The following ROBO2 variants were observed in gnomAD, a reference collection of about 807,000 sequenced individuals.
ROBO2 encodes the protein roundabout guidance receptor 2, also known as roundabout homolog 2.
ROBO2 carries 53 observed loss-of-function variants against 160.8 expected under a neutral mutation model. The observed-to-expected ratio is 0.33, with a 90% CI of 0.26 to 0.41. ROBO2 has a LOEUF of 0.41. ROBO2 is among the 10% of genes least tolerant of loss of function. The probability of loss-of-function intolerance (pLI) is 1.00; values close to 1 mark genes in which losing one functional copy is unlikely to be tolerated. For missense variants in ROBO2, 1,577 were observed against 1,722.4 expected, an observed-to-expected ratio of 0.92 and a Z score of 1.49; for synonymous variants, 664 against 611.7, an observed-to-expected ratio of 1.09 and a Z score of -1.26.
chr3:75,986,656 C>T (rs1291176590), intron 2 of ROBO2, among the ~76,000 whole-genome samples: 7 of 151,498 alleles, frequency 4.6e-5, no homozygotes, highest in Admixed American at 3.3e-4. Flanking sequence ...ATTATTTCTT[C>T]TCAGAGTTTT....
At chr3:77,268,671 C>T (rs1580514533) in intron 2 of ROBO2, among the ~76,000 whole-genome samples, 1 of 152,190 alleles carries the variant, frequency 6.6e-6, no homozygotes, top group Non-Finnish European at 1.5e-5. Flanking sequence ...ATTCCCATCA[C>T]TTGGATAAGG....
At chr3:77,247,496 A>T (rs1461109275) in intron 2 of ROBO2, among the ~76,000 whole-genome samples, 3 of 152,222 alleles carry the variant, frequency 2.0e-5, no homozygotes, top group Non-Finnish European at 4.4e-5. Context: ...GCTGAGAGTG[A>T]TTCCATATTC....
At chr3:77,542,204 C>A (rs2092494499) in intron 6 of ROBO2, among the ~76,000 whole-genome samples, 1 of 152,122 alleles carries the variant, frequency 6.6e-6, no homozygotes, top group Non-Finnish European at 1.5e-5. Context: ...CAGCTGATAT[C>A]CCTTCACAGA....
At chr3:76,431,025 C>T (rs1194951387) in intron 2 of ROBO2, among the ~76,000 whole-genome samples, 6 of 151,906 alleles carry the variant, frequency 3.9e-5, no homozygotes, top group Middle Eastern at 3.2e-3. Flanking sequence ...GTCAACAGTA[C>T]AACTATGTTA....
chr3:77,267,327 T>C (rs140322916), intron 2 of ROBO2, among the ~76,000 whole-genome samples: 183 of 152,244 alleles, frequency 1.2e-3, no homozygotes, highest in Non-Finnish European at 2.2e-3. Flanking sequence ...AGTACAATAG[T>C]CCAGAAAGTT....
exon 7 of ROBO2, chr3:77,546,407 G>C: frequency 6.2e-7 from 1 of 1,613,354 alleles, no homozygotes. Flanking sequence ...ACATTTCCCT[G>C]TGAAACTAAA....
At chr3:77,426,587 C>G (rs565202319) in intron 2 of ROBO2, among the ~76,000 whole-genome samples, 1 of 147,392 alleles carries the variant, frequency 6.8e-6, no homozygotes, top group Non-Finnish European at 1.5e-5. Context: ...AATACCTACA[C>G]ACACATACAT....
rs1560065744 is a variant in ROBO2, at chr3:77,126,714, T to TATATA, written c.388+28374_388+28375insATATA. Among the ~76,000 whole-genome samples the TATATA allele has an allele frequency of 5.6e-3, 766 of 137,680 alleles. 9 individuals carry two copies. The highest frequency in any genetic ancestry group is 0.025 in the African/African-American group (718 of 29,264). 90.3% of individuals were successfully genotyped at this position (137,680 alleles called of 152,430 possible). On this transcript the variant is annotated intron_variant, in intron 2 of 25. Coordinates refer to ENST00000461745, the Ensembl canonical transcript of ROBO2. ...TATGGGTGGATATATATATATATAT[T>TATATA]TTTTTTCCTTTGAAAGATGGTGAAG...
At chr3:75,938,820 A>G (rs930080578) in intron 2 of ROBO2, among the ~76,000 whole-genome samples, 61 of 152,158 alleles carry the variant, frequency 4.0e-4, no homozygotes, top group African/African-American at 1.4e-3. Context: ...GTTAATTAAG[A>G]TCAGCTTTGA....
intron 2 of ROBO2, among the ~76,000 whole-genome samples, chr3:76,860,221 C>A (rs932371711): frequency 2.0e-5 from 3 of 152,124 alleles, no homozygotes; most frequent in Non-Finnish European, 2.9e-5. Flanking sequence ...CCACTATACC[C>A]CCGACGGCTT....
At chr3:76,051,265 A>ATGTATTCG (rs140342638) in intron 2 of ROBO2, among the ~76,000 whole-genome samples, 1 of 19,728 alleles carries the variant, frequency 5.1e-5, no homozygotes, top group African/African-American at 1.1e-3. Flanking sequence ...GTACTTTGAT[A>ATGTATTCG]TGTCACTATG....
At chr3:77,110,210 T>C (rs2073386708) in intron 2 of ROBO2, among the ~76,000 whole-genome samples, 1 of 152,190 alleles carries the variant, frequency 6.6e-6, no homozygotes, top group African/African-American at 2.4e-5. Context: ...ATCCAATTTA[T>C]AAGACAAGTC....
intron 2 of ROBO2, among the ~76,000 whole-genome samples, chr3:76,272,854 TAAA>T (rs1216371792): frequency 2.3e-5 from 2 of 86,512 alleles, no homozygotes; most frequent in African/African-American, 4.9e-5. Flanking sequence ...ATATTATATA[TAAA>T]ATATATAAAA....
chr3:77,552,166 G>T (rs2092943557), intron 8 of ROBO2, among the ~76,000 whole-genome samples: 1 of 151,922 alleles, frequency 6.6e-6, no homozygotes, highest in Non-Finnish European at 1.5e-5. Context: ...TCATTAAAAA[G>T]ATCTTATGTT....
intron 2 of ROBO2, among the ~76,000 whole-genome samples, chr3:76,516,529 G>A (rs1392406448): frequency 1.3e-5 from 2 of 152,110 alleles, no homozygotes; most frequent in African/African-American, 4.8e-5. Flanking sequence ...TTTCCTCAAT[G>A]TGTCATTGGA....
At chr3:76,110,515 G>C (rs2070179420) in intron 2 of ROBO2, among the ~76,000 whole-genome samples, 1 of 152,054 alleles carries the variant, frequency 6.6e-6, no homozygotes, top group African/African-American at 2.4e-5. Flanking sequence ...AAATGGATTT[G>C]AAAGGTTAAA....
chr3:76,865,395 AG>A (rs1195645059), intron 2 of ROBO2, among the ~76,000 whole-genome samples: 1 of 152,072 alleles, frequency 6.6e-6, no homozygotes, highest in Non-Finnish European at 1.5e-5. Flanking sequence ...ATGGCTATCT[AG>A]GCTTGCTTTC....
At chr3:77,137,377 C>T (rs1002341011) in intron 2 of ROBO2, among the ~76,000 whole-genome samples, 28 of 152,262 alleles carry the variant, frequency 1.8e-4, no homozygotes, top group Middle Eastern at 6.8e-3. Flanking sequence ...CAGGCATGCG[C>T]CACCACGCCC....
chr3:77,019,179 G>A (rs1194878050), intron 2 of ROBO2, among the ~76,000 whole-genome samples: 1 of 152,160 alleles, frequency 6.6e-6, no homozygotes, highest in Non-Finnish European at 1.5e-5. Context: ...ATAGACAACA[G>A]AAGTGTATTT....
Sources: allele counts gnomAD v4.1 joint callset (sites outside exome capture counted in the v4.1 genomes callset), GRCh38; gene constraint gnomAD v4.1.1; transcripts MANE v1.5; gene names NCBI Gene and HGNC (gene_info 2026-07-23, HGNC 2026-07-21).